The following SYK variants were observed in gnomAD, a reference collection of about 807,000 sequenced individuals.
The protein encoded by SYK is spleen associated tyrosine kinase.
A neutral mutation model predicts 77.8 loss-of-function variants in SYK; 16 were observed. The observed-to-expected ratio is 0.21, with a 90% CI of 0.14 to 0.31. SYK has a LOEUF of 0.31. Ranked by LOEUF, SYK falls within the 10% of genes least tolerant of loss-of-function variation. The probability of loss-of-function intolerance (pLI) is 1.00; values close to 1 mark genes in which losing one functional copy is unlikely to be tolerated. For missense variants in SYK, 529 were observed against 814.4 expected (o/e 0.65, Z 4.26); for synonymous variants, 312 against 308.7 (o/e 1.01, Z -0.11).
Position 90,895,747 on chromosome 9 carries a change from G to A in SYK, c.*147G>A, listed in dbSNP as rs1828959109. 2.8e-6 allele frequency: 2 copies of A among 712,246 alleles called. No homozygotes were observed. Among genetic ancestry groups the A allele is most frequent in the East Asian group, 2.7e-5 (1 of 36,908 alleles). The allele number at this position is 712,246 out of a possible 1,614,324, so 44.1% of individuals were successfully genotyped here. ...ACATGCCCACAACTTGTCACCCAAA[G>A]CCTGTCCCAGGACTCACCCTCCACA... On this transcript the variant is annotated 3_prime_UTR_variant, in exon 14 of 14. Transcript: ENST00000375754. The surrounding 1 kb of genome is among the most constrained non-coding windows in gnomAD (Gnocchi z 4.4).
chr9:90,832,912 G>C (rs1825944562), intron 1 of SYK, among the ~76,000 whole-genome samples: 1 of 152,176 alleles, frequency 6.6e-6, no homozygotes, highest in African/African-American at 2.4e-5. Flanking sequence ...TGTGGGCCAG[G>C]GCTACAGTCT....
At chr9:90,805,601 T>C (rs951395564) in intron 1 of SYK, among the ~76,000 whole-genome samples, 1 of 152,224 alleles carries the variant, frequency 6.6e-6, no homozygotes, top group Non-Finnish European at 1.5e-5. Flanking sequence ...ATAAGTAGCA[T>C]TTGAATGTTC....
chr9:90,881,605 G>A (rs1031792177), intron 11 of SYK, among the ~76,000 whole-genome samples: 5 of 144,524 alleles, frequency 3.5e-5, no homozygotes, highest in African/African-American at 1.0e-4. Flanking sequence ...GCTTGAGCCC[G>A]GGAGGTGGAG....
At chr9:90,850,770 TAA>T (rs556936977) in intron 3 of SYK, among the ~76,000 whole-genome samples, 47 of 129,332 alleles carry the variant, frequency 3.6e-4, no homozygotes, top group Non-Finnish European at 3.3e-4. Context: ...GACTAAAAGG[TAA>T]AAAAAAAAAA....
intron 1 of SYK, among the ~76,000 whole-genome samples, chr9:90,818,100 G>A (rs1283307880): frequency 2.6e-5 from 4 of 152,146 alleles, no homozygotes; most frequent in Non-Finnish European, 5.9e-5. Context: ...TGATCCCAGG[G>A]CAAACATAGC....
At chr9:90,871,480 G>T (rs1225645488) in intron 7 of SYK, among the ~76,000 whole-genome samples, 1 of 152,098 alleles carries the variant, frequency 6.6e-6, no homozygotes, top group Non-Finnish European at 1.5e-5. Context: ...TTATCATTAT[G>T]CCACTGTGCT....
intron 11 of SYK, among the ~76,000 whole-genome samples, chr9:90,885,889 G>T (rs947458930): frequency 6.6e-6 from 1 of 152,158 alleles, no homozygotes; most frequent in African/African-American, 2.4e-5. Flanking sequence ...TTTTCAAAGT[G>T]CTGAAAGAAA....
chr9:90,894,896 G>A (rs1393617880), intron 13 of SYK, among the ~76,000 whole-genome samples: 1 of 152,214 alleles, frequency 6.6e-6, no homozygotes, highest in East Asian at 1.9e-4. Flanking sequence ...CTGGCCAGCA[G>A]TGGCAGTAAG....
intron 1 of SYK, among the ~76,000 whole-genome samples, chr9:90,806,726 G>T (rs765404301): frequency 6.6e-6 from 1 of 152,132 alleles, no homozygotes; most frequent in Admixed American, 6.5e-5. Context: ...ATTTATTGTA[G>T]TATAGAACTT....
intron 3 of SYK, among the ~76,000 whole-genome samples, chr9:90,853,341 G>A (rs1274147902): frequency 1.3e-5 from 2 of 151,204 alleles, no homozygotes; most frequent in Non-Finnish European, 2.9e-5. Context: ...CAACAAAAGA[G>A]CAGGGCAGAC....
intron 1 of SYK, among the ~76,000 whole-genome samples, chr9:90,811,587 A>G (rs79084077): frequency 1.4e-3 from 217 of 152,342 alleles, no homozygotes; most frequent in African/African-American, 5.0e-3. Flanking sequence ...CTACTAGTGA[A>G]AAAGCAAGAT....
In SYK at chr9:90,876,789, G is replaced by A. The variant is rs189697569; in HGVS notation, c.1182-782G>A. On this transcript the variant is annotated intron_variant, in intron 9 of 13. Coordinates refer to ENST00000375754, the MANE Select transcript of SYK (RefSeq NM_003177.7). ...ACCAGGTCTTCTTCAGCCTCTCTCA[G>A]GAGAGTTGTTTACCTTTTCAATGTA... Among the ~76,000 whole-genome samples the A allele has an allele frequency of 9.9e-5, 15 of 152,276 alleles. No homozygotes were observed. The East Asian group carries it at 2.9e-3, about 29-fold the overall frequency.
At chr9:90,850,981 T>TTC (rs147115310) in intron 3 of SYK, among the ~76,000 whole-genome samples, 1 of 152,160 alleles carries the variant, frequency 6.6e-6, no homozygotes, top group East Asian at 1.9e-4. Context: ...GATCCCAGTT[T>TTC]TCTCTCCTCA....
At chr9:90,854,164 G>A (rs1258759652) in intron 3 of SYK, among the ~76,000 whole-genome samples, 9 of 152,204 alleles carry the variant, frequency 5.9e-5, no homozygotes, top group East Asian at 3.9e-4. Context: ...CAGACTGGCC[G>A]GGTGGTGGAG....
Position 90,809,832 on chromosome 9 carries a change from C to T in SYK, c.-42+7939C>T, listed in dbSNP as rs142081688. The stretch of plus-strand genomic sequence containing the variant: ...CCCCCTACGGGGCAGAACTGCTGCT[C>T]TCTGCTTGTGTTGCTGTCGTGAGGG... On this transcript the variant is annotated intron_variant, in intron 1 of 13. Coordinates refer to ENST00000375754, the MANE Select transcript of SYK (RefSeq NM_003177.7). Among the ~76,000 whole-genome samples, 498 of 152,216 alleles carry T rather than the reference C, an allele frequency of 3.3e-3. 6 individuals carry two copies. Among genetic ancestry groups the T allele is most frequent in the Admixed American group, 0.03 (464 of 15,294 alleles).
At chr9:90,839,570 C>A (rs1181814377) in intron 1 of SYK, among the ~76,000 whole-genome samples, 1 of 152,020 alleles carries the variant, frequency 6.6e-6, no homozygotes, top group African/African-American at 2.4e-5. Context: ...AGTGCCAGCA[C>A]CGATGTAATG....
chr9:90,884,965 G>GTATA (rs57971781), intron 11 of SYK, among the ~76,000 whole-genome samples: 1,691 of 80,512 alleles, frequency 0.021, 115 homozygotes, highest in East Asian at 0.2. Flanking sequence ...ACATATATGT[G>GTATA]TATATATATA....
chr9:90,838,929 G>A (rs777645410), intron 1 of SYK, among the ~76,000 whole-genome samples: 10 of 152,206 alleles, frequency 6.6e-5, no homozygotes, highest in Admixed American at 6.5e-5. Context: ...CACGGGCTCC[G>A]TCCCTGTCTC....
At chr9:90,844,350 G>C in intron 2 of SYK, 35 bp downstream of exon 2, 2 of 1,520,166 alleles carry the variant, frequency 1.3e-6, no homozygotes, top group Non-Finnish European at 1.8e-6. Flanking sequence ...CTGGGCCCAG[G>C]GGGCCCTGTG....
Sources: gnomAD v4.1 joint callset for allele counts (sites outside exome capture counted in the v4.1 genomes callset) on GRCh38, gnomAD v4.1.1 for gene constraint, Gnocchi (gnomAD v3.1) non-coding constraint, MANE v1.5 for transcripts, NCBI Gene and HGNC (gene_info 2026-07-23, HGNC 2026-07-21) for gene names.